Variants in MKLN1 observed in about 807,000 individuals in gnomAD.
MKLN1 encodes muskelin 1.
Under a neutral mutation model 99.0 loss-of-function variants are expected in MKLN1, and 18 were observed. The ratio of observed to expected loss-of-function variants is 0.18; its 90% CI spans 0.13 to 0.27. MKLN1 has a LOEUF of 0.27. Among genes scored for constraint, MKLN1 ranks in the 10% least tolerant of loss-of-function variants. The pLI, the probability that MKLN1 is intolerant of heterozygous loss-of-function variation, is 1.00. For synonymous variants in MKLN1, 288 were observed against 293.2 expected, an observed-to-expected ratio of 0.98 and a Z score of 0.18; for missense variants, 621 against 875.9, an observed-to-expected ratio of 0.71 and a Z score of 3.67.
intron 3 of MKLN1, among the ~76,000 whole-genome samples, chr7:131,248,805 C>T (rs1797534843): frequency 6.6e-6 from 1 of 152,108 alleles, no homozygotes; most frequent in African/African-American, 2.4e-5. Flanking sequence ...ACTATGTACC[C>T]ACATGGGTGG....
chr7:131,345,768 A>C (rs1799541691), intron 1 of MKLN1, among the ~76,000 whole-genome samples: 1 of 152,192 alleles, frequency 6.6e-6, no homozygotes, highest in Admixed American at 6.6e-5. Flanking sequence ...ATTTTATTCT[A>C]GCAGTGATAT....
intron 2 of MKLN1, among the ~76,000 whole-genome samples, chr7:131,190,219 A>C (rs1796514074): frequency 6.6e-6 from 1 of 152,196 alleles, no homozygotes; most frequent in South Asian, 2.1e-4. Flanking sequence ...AACAAAATCC[A>C]CATCCAGGTG....
At chr7:131,375,348 T>C (rs894188253) in intron 1 of MKLN1, 76 bp from the exon 2 acceptor site, 8 of 895,746 alleles carry the variant, frequency 8.9e-6, no homozygotes, top group Non-Finnish European at 1.3e-5. Flanking sequence ...TTTATGATAA[T>C]TTCAGCATCT....
At chr7:131,390,059 T>G (rs918073695) in intron 4 of MKLN1, among the ~76,000 whole-genome samples, 1 of 152,164 alleles carries the variant, frequency 6.6e-6, no homozygotes, top group Admixed American at 6.5e-5. Context: ...GGAGCAAACA[T>G]AGTCATTGTT....
Position 131,334,766 on chromosome 7 carries a change from A to G in MKLN1, c.98+6769A>G, listed in dbSNP as rs893622459. On this transcript the variant is annotated intron_variant, in intron 1 of 17. Transcript: ENST00000352689. Reference sequence around the variant, plus strand: ...GAGTTTGCTGTATTTCAGTCATTCAAAAATCGTTTTTGGAAATATGAAAGA... The same window carrying G: ...GAGTTTGCTGTATTTCAGTCATTCAGAAATCGTTTTTGGAAATATGAAAGA... Among the ~76,000 whole-genome samples, 4 of 152,198 alleles carry G rather than the reference A, an allele frequency of 2.6e-5. No homozygotes were observed. In the South Asian group the frequency reaches 8.3e-4, roughly 31 times the overall value.
At chr7:131,230,132 G>A (rs1459477981) in intron 3 of MKLN1, among the ~76,000 whole-genome samples, 3 of 152,152 alleles carry the variant, frequency 2.0e-5, no homozygotes, top group African/African-American at 7.2e-5. Flanking sequence ...ACCCTTGCCT[G>A]GCATGGCCTT....
At chr7:131,371,106 AT>A (rs2116834376) in intron 1 of MKLN1, among the ~76,000 whole-genome samples, 1 of 151,744 alleles carries the variant, frequency 6.6e-6, no homozygotes, top group African/African-American at 2.4e-5. Context: ...GTCTACTTTA[AT>A]TTTTTTCTTT....
chr7:131,257,616 T>A (rs1797675129), intron 3 of MKLN1, among the ~76,000 whole-genome samples: 1 of 152,090 alleles, frequency 6.6e-6, no homozygotes, highest in Non-Finnish European at 1.5e-5. Flanking sequence ...AGCAACCAAG[T>A]GCATTTGGGA....
rs1387551957 is a variant in MKLN1 at position 131,466,285 on chromosome 7, T to A, written c.1798T>A (p.Leu600Ile). ...VYDELHKVHYLFGGNPGKSCS... is the reference protein window; with the variant it reads ...VYDELHKVHYIFGGNPGKSCS... ...ATTTTGCTTATTATAGGTTCATTACTTATTTGGTGGGAATCCAGGAAAATC... is the reference window on the plus strand; with the variant it reads ...ATTTTGCTTATTATAGGTTCATTACATATTTGGTGGGAATCCAGGAAAATC... Residue 600 changes from leucine to isoleucine, a missense_variant, in exon 15 of 18, where the codon TTA (leucine) becomes ATA (isoleucine). Leu to Ile is a conservative substitution (Grantham distance 5). Coordinates refer to ENST00000352689, the MANE Select transcript of MKLN1 (RefSeq NM_013255.5). The A allele has an allele frequency of 6.2e-7, 1 of 1,600,386 alleles. No individual in the cohort carries two copies. The highest frequency in any genetic ancestry group is 1.7e-5 in the Admixed American group (1 of 58,964).
intron 3 of MKLN1, among the ~76,000 whole-genome samples, chr7:131,301,304 A>T (rs1038352880): frequency 6.6e-6 from 1 of 152,202 alleles, no homozygotes; most frequent in Admixed American, 6.5e-5. Context: ...ATTCAGTTGG[A>T]TGAAACTCAG....
chr7:131,378,763 A>G (rs527413687), intron 2 of MKLN1, among the ~76,000 whole-genome samples: 1 of 152,188 alleles, frequency 6.6e-6, no homozygotes, highest in South Asian at 2.1e-4. Flanking sequence ...CCAGGAGGTC[A>G]AGGCTGCAGT....
At chr7:131,443,205 G>A (rs1433538824) in intron 10 of MKLN1, among the ~76,000 whole-genome samples, 1 of 152,104 alleles carries the variant, frequency 6.6e-6, no homozygotes, top group South Asian at 2.1e-4. Flanking sequence ...ATAAATCAAC[G>A]CCTCATGTAT....
chr7:131,203,968 T>A (rs779328830), intron 3 of MKLN1, among the ~76,000 whole-genome samples: 1 of 152,176 alleles, frequency 6.6e-6, no homozygotes, highest in Admixed American at 6.5e-5. Context: ...GATTTAGACA[T>A]GAGAAAACTG....
intron 1 of MKLN1, among the ~76,000 whole-genome samples, chr7:131,121,899 T>C (rs1795378620): frequency 6.6e-6 from 1 of 152,078 alleles, no homozygotes; most frequent in East Asian, 1.9e-4. Flanking sequence ...TCCTTGATCA[T>C]TTAAGACTGA....
At chr7:131,486,561 G>C (rs928637534) in intron 17 of MKLN1, among the ~76,000 whole-genome samples, 3 of 152,054 alleles carry the variant, frequency 2.0e-5, no homozygotes, top group African/African-American at 4.8e-5. Context: ...GACCTAAAAT[G>C]GTACTCTAAG....
chr7:131,431,426 G>A (rs567381579), intron 9 of MKLN1, among the ~76,000 whole-genome samples: 51 of 152,236 alleles, frequency 3.4e-4, no homozygotes, highest in African/African-American at 1.1e-3. Flanking sequence ...AAGTTGGCTC[G>A]GTCATTCTTT....
At chr7:131,462,130 C>G (rs1379862769) in intron 12 of MKLN1, among the ~76,000 whole-genome samples, 1 of 152,078 alleles carries the variant, frequency 6.6e-6, no homozygotes, top group Non-Finnish European at 1.5e-5. Context: ...ACTCTGGGCT[C>G]AAGGGATCCT....
chr7:131,292,134 T>C (rs1798228536), intron 3 of MKLN1, among the ~76,000 whole-genome samples: 1 of 152,086 alleles, frequency 6.6e-6, no homozygotes, highest in African/African-American at 2.4e-5. Context: ...AGAGTTGACC[T>C]TACGAACCCT....
At chr7:131,162,872 G>T (rs1179054515) in intron 2 of MKLN1, among the ~76,000 whole-genome samples, 5 of 152,148 alleles carry the variant, frequency 3.3e-5, no homozygotes. Flanking sequence ...AATTAATTTT[G>T]CCTATTTCTT....
Sources: allele counts gnomAD v4.1 joint callset (sites outside exome capture counted in the v4.1 genomes callset), GRCh38; gene constraint gnomAD v4.1.1; transcripts MANE v1.5; gene names NCBI Gene and HGNC (gene_info 2026-07-23, HGNC 2026-07-21).